Variants in BCL6B observed in about 807,000 individuals in gnomAD.
BCL6B encodes BCL6B transcription repressor, also known as B-cell CLL/lymphoma 6 member B protein.
Under a neutral mutation model 44.6 loss-of-function variants are expected in BCL6B, and 28 were observed. That is an observed-to-expected ratio of 0.63 (90% CI 0.47 to 0.86). BCL6B has a LOEUF of 0.86. BCL6B is among the 40% of genes least tolerant of loss of function. BCL6B has a pLI of 0.00. For missense variants in BCL6B, 626 were observed against 652.3 expected (o/e 0.96, Z 0.44); for synonymous variants, 268 against 263.6 (o/e 1.02, Z -0.16).
In BCL6B at chr17:7,028,309, C is replaced by T; in HGVS notation, c.*690C>T. The T allele has an allele frequency of 3.0e-6, 3 of 985,410 alleles. No homozygotes were observed. The highest frequency in any genetic ancestry group is 1.2e-6 in the Non-Finnish European group (1 of 829,984). The allele number at this position is 985,410 out of a possible 1,614,324, so 61.0% of individuals were successfully genotyped here. A position where few individuals can be genotyped will look rare whatever the true frequency, so the allele number is the denominator to read the frequency against. On this transcript the variant is annotated 3_prime_UTR_variant, in exon 9 of 9. Coordinates refer to ENST00000293805, the MANE Select transcript of BCL6B (RefSeq NM_181844.4). ...GGGATTGTGGAATTGGGTCAGGAAC[C>T]CTCTCTGGTATTCTGGATGTTGTAG...
At position 7,026,442 on chromosome 17, in the gene BCL6B, C is replaced by T; in HGVS notation, c.890-15C>T. The T allele has an allele frequency of 6.2e-7, 1 of 1,613,238 alleles. No homozygotes were observed. The highest frequency in any genetic ancestry group is 1.1e-5 in the South Asian group (1 of 91,032). ...ATTAATAACTATGGTTGCCGTCACC[C>T]ATTCCCCTTCCCAGGAAGTGAATTT... On this transcript the variant is annotated splice_polypyrimidine_tract_variant and intron_variant, in intron 5 of 8. Transcript: ENST00000293805.
In BCL6B at chr17:7,024,688, G is replaced by A. The variant is rs770571993; in HGVS notation, c.689G>A (p.Gly230Glu). Residue 230 changes from glycine (G) to glutamate (E), a missense_variant, in exon 4 of 9, where the codon GGA becomes GAA. Gly to Glu is a moderately conservative substitution (Grantham distance 98, BLOSUM62 -2). Coordinates refer to ENST00000293805, the MANE Select transcript of BCL6B (RefSeq NM_181844.4). The surrounding 1 kb of genome is among the most constrained non-coding windows in gnomAD (Gnocchi z 6.6). ...TGCCCCCAAGCCAGGCTCCCCAGTG[G>A]AGACGAGGCCTCCAGCAGCAGCAGC... ...QPCPQARLPS[G>E]DEASSSSSSS... 1.2e-6 allele frequency: 2 copies of A among 1,600,922 alleles called. No individual in the cohort carries two copies. Among genetic ancestry groups the A allele is most frequent in the African/African-American group, 2.8e-5 (2 of 71,412 alleles).
chr17:7,024,155 C>G lies in BCL6B; in HGVS notation c.252C>G (p.Pro84=), dbSNP rs1346108273. 1.2e-6 allele frequency: 2 copies of G among 1,613,942 alleles called. No individual in the cohort carries two copies. Among genetic ancestry groups the G allele is most frequent in the Admixed American group, 3.3e-5 (2 of 60,016 alleles). Residue 84 remains proline (P), a synonymous_variant, in exon 3 of 9, where the codon CCC becomes CCG. Transcript: ENST00000293805. This position sits in a 1 kb window ranked among gnomAD's most constrained non-coding sequence, Gnocchi z 6.6. ...ACGTGCTCTCTCTGCCCGGGGGTCC[C>G]GAAGCGAGAGGCTTCGCCCCTCTAT... ...GVDVLSLPGG[P]EARGFAPLLD...
chr17:7,027,786 G>A lies in BCL6B; in HGVS notation c.*167G>A, dbSNP rs1036410690. ...GGGGAGAGCAGGGGTGGCAGATCCT[G>A]GCTAGATCTGCCTCTGTTTTGCTGG... On this transcript the variant is annotated 3_prime_UTR_variant, in exon 9 of 9. Coordinates refer to ENST00000293805, the MANE Select transcript of BCL6B (RefSeq NM_181844.4). 7 of 1,438,902 alleles carry A rather than the reference G, an allele frequency of 4.9e-6. No individual in the cohort carries two copies. The Admixed American group carries it at 1.4e-4, about 28-fold the overall frequency. The allele number at this position is 1,438,902 out of a possible 1,614,324, so 89.1% of individuals were successfully genotyped here. A position where few individuals can be genotyped will look rare whatever the true frequency, so the allele number is the denominator to read the frequency against.
At chr17:7,026,333 C>G in intron 5 of BCL6B, 124 bp from the exon 6 acceptor site, 1 of 1,302,900 alleles carries the variant, frequency 7.7e-7, no homozygotes, top group Non-Finnish European at 1.1e-6. Context: ...GTCAAACCAG[C>G]CCCAGAAGTC....
At chr17:7,023,583 G>A in intron 1 of BCL6B, 77 bp from the exon 2 acceptor site, 2 of 1,410,168 alleles carry the variant, frequency 1.4e-6, no homozygotes, top group South Asian at 2.8e-5. Context: ...GTTGCACCTC[G>A]GAAGGAAAAG....
rs1260279532 is a variant in BCL6B, at chr17:7,027,765, A to G, written c.*146A>G. 1.4e-6 allele frequency: 2 copies of G among 1,461,624 alleles called. No homozygotes were observed. Among genetic ancestry groups the G allele is most frequent in the African/African-American group, 2.8e-5 (2 of 70,400 alleles). 90.5% of individuals were successfully genotyped at this position (1,461,624 alleles called of 1,614,324 possible). A position where few individuals can be genotyped will look rare whatever the true frequency, so the allele number is the denominator to read the frequency against. ...CCACCCTCTTAATTTCTCACTGGGG[A>G]GAGCAGGGGTGGCAGATCCTGGCTA... is the stretch of plus-strand genomic sequence containing the variant. On this transcript the variant is annotated 3_prime_UTR_variant, in exon 9 of 9. Coordinates refer to ENST00000293805, the MANE Select transcript of BCL6B (RefSeq NM_181844.4).
chr17:7,026,575 G>A lies in BCL6B; in HGVS notation c.1008G>A (p.Ser336=), dbSNP rs369499538. The A allele has an allele frequency of 2.8e-5, 46 of 1,614,056 alleles. No homozygotes were observed. Among genetic ancestry groups the A allele is most frequent in the East Asian group, 1.1e-4 (5 of 44,896 alleles). Residue 336 remains serine, a synonymous_variant, in exon 6 of 9, where the codon TCG becomes TCA. Transcript: ENST00000293805. ...ATAAGTGTCAGCTGTGCCGGTCTTC[G>A]TTCCGCTACAAGGGCAACCTTGCCA... is the stretch of plus-strand genomic sequence containing the variant. ...KPYKCQLCRS[S]FRYKGNLASH... is the part of the protein sequence containing the mutation.
At chr17:7,023,936 TTCAGAA>T in intron 2 of BCL6B, 86 bp downstream of exon 2, 1 of 1,553,566 alleles carries the variant, frequency 6.4e-7, no homozygotes, top group South Asian at 1.2e-5. Context: ...AGCCAAGTCT[TTCAGAA>T]GCAGGAGGCG....
Position 7,024,392 on chromosome 17 carries a change from T to C in BCL6B, c.402-9T>C. 1 of 1,612,272 alleles carries C rather than the reference T, an allele frequency of 6.2e-7. No individual in the cohort carries two copies. Among genetic ancestry groups the C allele is most frequent in the East Asian group, 2.2e-5 (1 of 44,840 alleles). On this transcript the variant is annotated splice_polypyrimidine_tract_variant and intron_variant, in intron 3 of 8. Transcript: ENST00000293805. The surrounding 1 kb of genome is among the most constrained non-coding windows in gnomAD (Gnocchi z 6.6). ...GAAATGGCACTAACGTTCATCACAC[T>C]TTCCCCAGCTATGAACCTCTGGGCA...
Position 7,029,605 on chromosome 17 carries a change from C to G in BCL6B, c.*1986C>G. The G allele has an allele frequency of 1.7e-6, 2 of 1,169,854 alleles. No individual in the cohort carries two copies. Among genetic ancestry groups the G allele is most frequent in the Non-Finnish European group, 2.1e-6 (2 of 931,126 alleles). The allele number at this position is 1,169,854 out of a possible 1,614,324, so 72.5% of individuals were successfully genotyped here. A position where few individuals can be genotyped will look rare whatever the true frequency, so the allele number is the denominator to read the frequency against. On this transcript the variant is annotated 3_prime_UTR_variant, in exon 9 of 9. Transcript: ENST00000293805. Reference sequence around the variant, plus strand: ...CTGGGGGTAGAAATGTTAGATCTTGCAACATCAGATCCTTGGAATAAAGAA... The same window carrying G: ...CTGGGGGTAGAAATGTTAGATCTTGGAACATCAGATCCTTGGAATAAAGAA...
chr17:7,025,113 G>A lies in BCL6B; in HGVS notation c.802G>A (p.Gly268Arg). Reference sequence around the variant, plus strand: ...TGCTGCCACTGTGCAGTTCAAATGTGGGGCTCCAGCCAGTACCCCCTACCT... The same window carrying A: ...TGCTGCCACTGTGCAGTTCAAATGTAGGGCTCCAGCCAGTACCCCCTACCT... Reference protein sequence around the residue: ...PTAATVQFKCGAPASTPYLLT... With the variant: ...PTAATVQFKCRAPASTPYLLT... The change falls in exon 5 of 9, where the codon GGG becomes AGG. Residue 268 changes from glycine to arginine, a missense_variant. Gly to Arg is a moderately radical substitution (Grantham distance 125). Coordinates refer to ENST00000293805, the MANE Select transcript of BCL6B (RefSeq NM_181844.4). 5.0e-6 allele frequency: 8 copies of A among 1,613,896 alleles called. No homozygotes were observed. Among genetic ancestry groups the A allele is most frequent in the African/African-American group, 1.3e-5 (1 of 74,938 alleles).
At position 7,024,413 on chromosome 17, in the gene BCL6B, G is replaced by C; in HGVS notation, c.414G>C (p.Leu138=). 1.2e-6 allele frequency: 2 copies of C among 1,613,290 alleles called. No individual in the cohort carries two copies. The highest frequency in any genetic ancestry group is 1.7e-6 in the Non-Finnish European group (2 of 1,179,652). ...HRFIQASYEP[L]GISLRPLEAE... is the part of the protein sequence containing the mutation. ...ACACTTTCCCCAGCTATGAACCTCT[G>C]GGCATCTCCCTGCGCCCCCTGGAAG... Residue 138 remains leucine (L), a synonymous_variant, in exon 4 of 9, where the codon CTG becomes CTC. Transcript: ENST00000293805. The surrounding 1 kb of genome is among the most constrained non-coding windows in gnomAD (Gnocchi z 6.6).
Position 7,026,548 on chromosome 17 carries a change from C to T in BCL6B, c.981C>T (p.Pro327=). The part of the protein sequence containing the change: ...DSLVPGDEDK[P]YKCQLCRSSF... ...TGGTTCCTGGGGACGAAGACAAACC[C>T]TATAAGTGTCAGCTGTGCCGGTCTT... Residue 327 remains proline (P), a synonymous_variant, in exon 6 of 9, where the codon CCC becomes CCT. Coordinates refer to ENST00000293805, the MANE Select transcript of BCL6B (RefSeq NM_181844.4). 1 of 1,614,218 alleles carries T rather than the reference C, an allele frequency of 6.2e-7. No homozygotes were observed. The highest frequency in any genetic ancestry group is 1.1e-5 in the South Asian group (1 of 91,090).
Position 7,026,496 on chromosome 17 carries a change from C to T in BCL6B, c.929C>T (p.Ala310Val), listed in dbSNP as rs1910289781. The T allele has an allele frequency of 3.7e-6, 6 of 1,614,194 alleles. No individual in the cohort carries two copies. The highest frequency in any genetic ancestry group is 5.1e-6 in the Non-Finnish European group (6 of 1,180,008). The part of the protein sequence containing the change: ...FFSCQNCEAV[A>V]GCSSGLDSLV... ...AGCTGCCAGAACTGTGAGGCTGTGG[C>T]AGGGTGCTCATCGGGGCTGGACTCC... The change falls in exon 6 of 9, where the codon GCA (alanine) becomes GTA (valine). Residue 310 changes from alanine (A) to valine (V), a missense_variant. By Grantham distance (64) the Ala-to-Val change is moderately conservative. Coordinates refer to ENST00000293805, the MANE Select transcript of BCL6B (RefSeq NM_181844.4).
chr17:7,024,216 C>G lies in BCL6B; in HGVS notation c.313C>G (p.Pro105Ala), dbSNP rs200898852. The part of the protein sequence containing the change: ...FMYTSRLRLS[P>A]ATAPAVLAAA... ...GTACACTTCGCGCCTGCGCCTCTCT[C>G]CAGCCACTGCACCAGCAGTCCTAGC... Residue 105 changes from proline (P) to alanine (A), a missense_variant, in exon 3 of 9, where the codon CCA becomes GCA. Physicochemically the swap from Pro to Ala is conservative, Grantham distance 27. Coordinates refer to ENST00000293805, the MANE Select transcript of BCL6B (RefSeq NM_181844.4). The surrounding 1 kb of genome is among the most constrained non-coding windows in gnomAD (Gnocchi z 6.6). 1.9e-6 allele frequency: 3 copies of G among 1,613,932 alleles called. No homozygotes were observed. In the East Asian group the frequency reaches 6.7e-5, roughly 36 times the overall value.
rs750185160 is a variant in BCL6B at position 7,025,147 on chromosome 17, C to T, written c.836C>T (p.Ser279Phe). The T allele has an allele frequency of 1.4e-5, 23 of 1,614,170 alleles. No homozygotes were observed. Among genetic ancestry groups the T allele is most frequent in the Middle Eastern group, 1.6e-4 (1 of 6,062 alleles). The change falls in exon 5 of 9, where the codon TCC becomes TTC. Residue 279 changes from serine to phenylalanine, a missense_variant. Physicochemically the swap from Ser to Phe is radical, Grantham distance 155. Coordinates refer to ENST00000293805, the MANE Select transcript of BCL6B (RefSeq NM_181844.4). The part of the protein sequence containing the change: ...APASTPYLLT[S>F]QAQDTSGSPS... Reference sequence around the variant, plus strand: ...GCCAGTACCCCCTACCTCCTCACATCCCAGGCTCAAGACACCTCTGGATCA... The same window carrying T: ...GCCAGTACCCCCTACCTCCTCACATTCCAGGCTCAAGACACCTCTGGATCA...
At position 7,027,846 on chromosome 17, in the gene BCL6B, G is replaced by A. The variant is rs1910343296; in HGVS notation, c.*227G>A. On this transcript the variant is annotated 3_prime_UTR_variant, in exon 9 of 9. Transcript: ENST00000293805. ...CTTCCCCACAAGCCAGATTGTTTCT[G>A]AGGAGAGAGCTAGCTAGGGGCTGGG... 2 of 1,402,890 alleles carry A rather than the reference G, an allele frequency of 1.4e-6. No individual in the cohort carries two copies. Among genetic ancestry groups the A allele is most frequent in the Admixed American group, 6.0e-5 (2 of 33,572 alleles). 86.9% of individuals were successfully genotyped at this position (1,402,890 alleles called of 1,614,324 possible).
Position 7,028,587 on chromosome 17 carries a change from G to A in BCL6B, c.*968G>A, listed in dbSNP as rs1231199632. 2.0e-6 allele frequency: 2 copies of A among 985,380 alleles called. No individual in the cohort carries two copies. The highest frequency in any genetic ancestry group is 1.7e-5 in the African/African-American group (1 of 57,250). 61.0% of individuals were successfully genotyped at this position (985,380 alleles called of 1,614,324 possible). A position where few individuals can be genotyped will look rare whatever the true frequency, so the allele number is the denominator to read the frequency against. ...GGCTCTGCTGTATCCATCTATAGTG[G>A]TAGAGACCCACCAGGGCTCAAGTGG... On this transcript the variant is annotated 3_prime_UTR_variant, in exon 9 of 9. Coordinates refer to ENST00000293805, the MANE Select transcript of BCL6B (RefSeq NM_181844.4).
Sources: allele counts gnomAD v4.1 joint callset, GRCh38; gene constraint gnomAD v4.1.1; non-coding constraint Gnocchi (gnomAD v3.1); transcripts MANE v1.5; gene names NCBI Gene and HGNC (gene_info 2026-07-23, HGNC 2026-07-21).